YTHDF3: variants seen among roughly 807,000 people sequenced by gnomAD.
The protein encoded by YTHDF3 is YTH N6-methyladenosine RNA binding protein F3.
YTHDF3 carries 9 observed loss-of-function variants against 52.5 expected under a neutral mutation model. That is an observed-to-expected ratio of 0.17 (90% confidence interval 0.10 to 0.30). The LOEUF is 0.30. Among genes scored for constraint, YTHDF3 ranks in the 10% least tolerant of loss-of-function variants. YTHDF3 has a pLI of 1.00. For missense variants in YTHDF3, 534 were observed against 715.0 expected (o/e 0.75, Z 2.89); for synonymous variants, 274 against 243.3 (o/e 1.13, Z -1.18).
intron 1 of YTHDF3, chr8:63,169,104 G>C (rs1807096743): frequency 3.6e-6 from 5 of 1,383,216 alleles, no homozygotes; most frequent in Non-Finnish European, 4.6e-6. Flanking sequence ...GTGCCGCGGC[G>C]GGTGGGGGCA....
rs1808206429 is a variant in YTHDF3, at chr8:63,182,461, C to T, written c.136-3686C>T. ...TGTGGCTTGATTTACTTGTTGGCCT[C>T]TTAGTTTGCTGACCCCTGAATTATA... On this transcript the variant is annotated intron_variant, in intron 3 of 4. Coordinates refer to ENST00000539294, the MANE Select transcript of YTHDF3 (RefSeq NM_152758.6). Among the ~76,000 whole-genome samples, 3 of 151,990 alleles carry T rather than the reference C, an allele frequency of 2.0e-5. No homozygotes were observed. In the South Asian group the frequency reaches 6.2e-4, roughly 32 times the overall value.
At chr8:63,185,943 TA>T (rs1456218901) in intron 3 of YTHDF3, among the ~76,000 whole-genome samples, 1 of 152,260 alleles carries the variant, frequency 6.6e-6, no homozygotes, top group African/African-American at 2.4e-5. Context: ...GGTTAGTTTG[TA>T]AGAAATATTT....
At chr8:63,205,414 C>G (rs1021886412) in intron 4 of YTHDF3, among the ~76,000 whole-genome samples, 4 of 151,400 alleles carry the variant, frequency 2.6e-5, no homozygotes, top group Non-Finnish European at 4.4e-5. Context: ...ACTGATAGCT[C>G]ATCATTTCTT....
intron 4 of YTHDF3, 76 bp from the exon 5 acceptor site, chr8:63,209,607 A>C: frequency 7.3e-7 from 1 of 1,364,216 alleles, no homozygotes; most frequent in Non-Finnish European, 9.9e-7. Context: ...TTATATGTGC[A>C]TATAGTTTAA....
intron 4 of YTHDF3, among the ~76,000 whole-genome samples, chr8:63,189,397 A>G (rs1808772006): frequency 6.6e-6 from 1 of 152,208 alleles, no homozygotes; most frequent in Non-Finnish European, 1.5e-5. Flanking sequence ...TAGGGGATAC[A>G]TTTAAATTTC....
chr8:63,173,202 T>TTTTATA (rs1554533374), intron 2 of YTHDF3, among the ~76,000 whole-genome samples: 7 of 125,886 alleles, frequency 5.6e-5, no homozygotes, highest in African/African-American at 2.8e-4. Context: ...AGGATTATAT[T>TTTTATA]TATATATATA....
At chr8:63,170,779 A>C (rs1807271820) in intron 2 of YTHDF3, among the ~76,000 whole-genome samples, 1 of 152,130 alleles carries the variant, frequency 6.6e-6, no homozygotes, top group African/African-American at 2.4e-5. Context: ...AGCTATTTGA[A>C]ATGCTAAGTG....
intron 3 of YTHDF3, among the ~76,000 whole-genome samples, chr8:63,183,696 G>T (rs1478926209): frequency 1.3e-5 from 2 of 152,160 alleles, no homozygotes; most frequent in Non-Finnish European, 2.9e-5. Flanking sequence ...TATAGCTGAA[G>T]AATGTGTTCA....
intron 4 of YTHDF3, among the ~76,000 whole-genome samples, chr8:63,203,065 A>G (rs973506358): frequency 6.6e-6 from 1 of 152,034 alleles, no homozygotes; most frequent in African/African-American, 2.4e-5. Flanking sequence ...ATCATGGTGA[A>G]AACCCATCTC....
At chr8:63,179,600 A>C (rs1278821464) in intron 3 of YTHDF3, among the ~76,000 whole-genome samples, 2 of 152,170 alleles carry the variant, frequency 1.3e-5, no homozygotes, top group Non-Finnish European at 2.9e-5. Context: ...CAAAATGAAA[A>C]GTCTCCCATG....
At position 63,211,733 on chromosome 8, in the gene YTHDF3, C is replaced by G. The variant is rs2150409926; in HGVS notation, c.*2027C>G. 1 of 152,602 alleles carries G rather than the reference C, an allele frequency of 6.6e-6. No individual in the cohort carries two copies. The highest frequency in any genetic ancestry group is 1.5e-5 in the Non-Finnish European group (1 of 68,002). 9.5% of individuals were successfully genotyped at this position (152,602 alleles called of 1,614,324 possible). A position where few individuals can be genotyped will look rare whatever the true frequency, so the allele number is the denominator to read the frequency against. ...GTCATGGAAGCACTCAGCAAGCAGG[C>G]TGATTGCAATAGACTCAGACATGCG... On this transcript the variant is annotated 3_prime_UTR_variant, in exon 5 of 5. Coordinates refer to ENST00000539294, the MANE Select transcript of YTHDF3 (RefSeq NM_152758.6).
intron 4 of YTHDF3, among the ~76,000 whole-genome samples, chr8:63,204,097 G>A (rs1809824778): frequency 1.3e-5 from 2 of 152,096 alleles, no homozygotes. Context: ...CAAAGACTTT[G>A]TGACATTTTT....
intron 3 of YTHDF3, among the ~76,000 whole-genome samples, chr8:63,180,556 A>C (rs1585749313): frequency 6.6e-6 from 1 of 152,228 alleles, no homozygotes; most frequent in Admixed American, 6.5e-5. Context: ...GACGCTCCTC[A>C]CTTCCCAGAC....
Position 63,187,472 on chromosome 8 carries a change from G to T in YTHDF3, c.1461G>T (p.Ala487=), listed in dbSNP as rs199904797. The T allele has an allele frequency of 5.8e-5, 94 of 1,613,844 alleles. No homozygotes were observed. The highest frequency in any genetic ancestry group is 3.7e-5 in the Non-Finnish European group (44 of 1,179,898). ...AEMKSVVDYN[A]YAGVWSQDKW... ...TGAAGTCTGTTGTGGACTATAATGC[G>T]TATGCTGGTGTCTGGTCTCAGGATA... The change falls in exon 4 of 5, where the codon GCG becomes GCT. Residue 487 remains alanine, a synonymous_variant. Coordinates refer to ENST00000539294, the MANE Select transcript of YTHDF3 (RefSeq NM_152758.6).
chr8:63,206,858 G>GT (rs142026468), intron 4 of YTHDF3, among the ~76,000 whole-genome samples: 2,717 of 151,962 alleles, frequency 0.018, 33 homozygotes, highest in Middle Eastern at 0.027. Context: ...CCAAACATGG[G>GT]TTTTTTTCCT....
intron 4 of YTHDF3, among the ~76,000 whole-genome samples, chr8:63,196,372 G>C (rs1016905398): frequency 6.6e-6 from 1 of 151,896 alleles, no homozygotes; most frequent in African/African-American, 2.4e-5. Context: ...GACCAGCGTG[G>C]CCAACATGGT....
chr8:63,200,820 A>G (rs1809583305), intron 4 of YTHDF3, among the ~76,000 whole-genome samples: 1 of 152,222 alleles, frequency 6.6e-6, no homozygotes, highest in Non-Finnish European at 1.5e-5. Flanking sequence ...TGAATTTTTA[A>G]GATGGGCCTT....
At chr8:63,191,708 TC>T (rs1474053482) in intron 4 of YTHDF3, among the ~76,000 whole-genome samples, 1 of 152,200 alleles carries the variant, frequency 6.6e-6, no homozygotes, top group Non-Finnish European at 1.5e-5. Flanking sequence ...TGGTTGTTTG[TC>T]CCTATAAGAC....
chr8:63,170,044 T>C (rs1296673597), intron 2 of YTHDF3, among the ~76,000 whole-genome samples: 6 of 152,208 alleles, frequency 3.9e-5, no homozygotes, highest in Non-Finnish European at 7.4e-5. Flanking sequence ...AAAAGTACCA[T>C]TGAAAGTAAA....
Sources: gnomAD v4.1 joint callset for allele counts (sites outside exome capture counted in the v4.1 genomes callset) on GRCh38, gnomAD v4.1.1 for gene constraint, MANE v1.5 for transcripts, NCBI Gene and HGNC (gene_info 2026-07-23, HGNC 2026-07-21) for gene names.